The following PIK3C2G variants were observed in gnomAD, a reference collection of about 807,000 sequenced individuals.
PIK3C2G encodes the protein phosphatidylinositol 3-kinase C2 domain-containing subunit gamma.
Under a neutral mutation model 181.1 loss-of-function variants are expected in PIK3C2G, and 168 were observed. The observed-to-expected ratio is 0.93, with a 90% CI of 0.82 to 1.05. PIK3C2G has a LOEUF of 1.05. Ranked by LOEUF, PIK3C2G falls within the 50% of genes least tolerant of loss-of-function variation. PIK3C2G has a pLI of 0.00. For synonymous variants in PIK3C2G, 573 were observed against 592.2 expected (o/e 0.97, Z 0.47); for missense variants, 1,869 against 1,732.8 (o/e 1.08, Z -1.40).
chr12:18,579,702 G>A (rs905341637), intron 29 of PIK3C2G, among the ~76,000 whole-genome samples: 2 of 152,132 alleles, frequency 1.3e-5, no homozygotes, highest in Non-Finnish European at 2.9e-5. Flanking sequence ...CCTCAAAATG[G>A]ATTTAAGCTT....
chr12:18,586,609 A>T (rs1036911399), intron 29 of PIK3C2G, among the ~76,000 whole-genome samples: 1 of 152,182 alleles, frequency 6.6e-6, no homozygotes, highest in Non-Finnish European at 1.5e-5. Context: ...GCCCAGGATC[A>T]GAAAGATTCA....
chr12:18,724,398 T>TA, the PIK3C2G span, among the ~76,000 whole-genome samples: 33 of 152,222 alleles, frequency 2.2e-4, no homozygotes, highest in Admixed American at 1.9e-3. Context: ...ATAGTATCAC[T>TA]AACAAATAAA....
At chr12:18,527,931 C>T (rs181885260) in intron 24 of PIK3C2G, among the ~76,000 whole-genome samples, 276 of 152,044 alleles carry the variant, frequency 1.8e-3, no homozygotes, top group Non-Finnish European at 2.9e-3. Flanking sequence ...TAATTTAGGA[C>T]ACACATTACA....
At chr12:18,269,803 A>T (rs1948667182) in intron 1 of PIK3C2G, among the ~76,000 whole-genome samples, 1 of 152,236 alleles carries the variant, frequency 6.6e-6, no homozygotes, top group African/African-American at 2.4e-5. Flanking sequence ...TAAATAAAAT[A>T]GACAAAAATT....
chr12:18,520,705 G>A (rs1432151365), intron 24 of PIK3C2G, among the ~76,000 whole-genome samples: 1 of 152,076 alleles, frequency 6.6e-6, no homozygotes, highest in Admixed American at 6.5e-5. Flanking sequence ...CCCTTCTGAA[G>A]CCTACTTCTG....
intron 26 of PIK3C2G, among the ~76,000 whole-genome samples, chr12:18,562,424 G>A (rs1003414972): frequency 6.6e-6 from 1 of 152,162 alleles, no homozygotes; most frequent in African/African-American, 2.4e-5. Context: ...GAGCCACCGC[G>A]CCGGGCCACA....
the PIK3C2G span, among the ~76,000 whole-genome samples, chr12:18,702,265 A>G: frequency 4.6e-5 from 7 of 151,964 alleles, no homozygotes; most frequent in Non-Finnish European, 1.5e-5. Flanking sequence ...AGGCTCTTCA[A>G]ATTTCTTCTG....
downstream of PIK3C2G, among the ~76,000 whole-genome samples, chr12:18,649,120 CCTTT>C (rs1950310439): frequency 6.6e-6 from 1 of 151,926 alleles, no homozygotes; most frequent in African/African-American, 2.4e-5. Flanking sequence ...TATTACTCTC[CCTTT>C]CTGCTAGACG....
the PIK3C2G span, among the ~76,000 whole-genome samples, chr12:18,715,097 C>T: frequency 2.2e-4 from 31 of 144,158 alleles, no homozygotes; most frequent in Admixed American, 1.4e-3. Context: ...TAGCTGAGAA[C>T]AGATAAAACA....
chr12:18,252,439 A>G (rs1301216077), intron 1 of PIK3C2G, among the ~76,000 whole-genome samples: 1 of 152,222 alleles, frequency 6.6e-6, no homozygotes, highest in Admixed American at 6.5e-5. Flanking sequence ...CACAAGGCTC[A>G]TAGCTAAGTC....
intron 30 of PIK3C2G, chr12:18,607,206 T>C: frequency 1.9e-6 from 1 of 514,372 alleles, no homozygotes; most frequent in Non-Finnish European, 3.9e-6. Flanking sequence ...ACAAAAATGG[T>C]TAACAAAATG....
the PIK3C2G span, chr12:18,695,190 G>A: frequency 1.8e-6 from 2 of 1,089,444 alleles, no homozygotes; most frequent in Non-Finnish European, 2.8e-6. Context: ...AATGTTCTAT[G>A]AGCAAGTATC....
At chr12:18,290,719 T>G in intron 3 of PIK3C2G, 136 bp from the exon 4 acceptor site, 1 of 640,032 alleles carries the variant, frequency 1.6e-6, no homozygotes, top group Non-Finnish European at 2.8e-6. Flanking sequence ...AATCAATTAC[T>G]GATTGCTTTC....
the PIK3C2G span, chr12:18,701,823 T>G: frequency 1.3e-6 from 2 of 1,559,304 alleles, no homozygotes; most frequent in Admixed American, 3.8e-5. Context: ...ACAAGTAAAT[T>G]TGCATTGTAA....
At position 18,282,010 on chromosome 12, in the gene PIK3C2G, TTCTA is replaced by T. The variant is rs1211785410; in HGVS notation, c.-68_-65del. The T allele has an allele frequency of 1.1e-6, 1 of 874,962 alleles. No homozygotes were observed. The highest frequency in any genetic ancestry group is 1.7e-6 in the Non-Finnish European group (1 of 574,908). 54.2% of individuals were successfully genotyped at this position (874,962 alleles called of 1,614,324 possible). A position where few individuals can be genotyped will look rare whatever the true frequency, so the allele number is the denominator to read the frequency against. ...CATTTTATGCTTTTTCTAGGAAAAT[TTCTA>T]TCTTCTTTTGTATTATCAAGGAGAT... On this transcript the variant is annotated 5_prime_UTR_variant, in exon 2 of 33. The change creates a premature stop within an existing upstream ORF in the 5' untranslated region. Coordinates refer to ENST00000538779, the MANE Select transcript of PIK3C2G (RefSeq NM_001288772.2).
chr12:18,411,352 C>G (rs1345356393), intron 16 of PIK3C2G, among the ~76,000 whole-genome samples: 1 of 152,050 alleles, frequency 6.6e-6, no homozygotes, highest in Non-Finnish European at 1.5e-5. Context: ...TGCTTATACT[C>G]CGAGTTTGAG....
At chr12:18,337,909 C>T (rs1565612414) in intron 8 of PIK3C2G, among the ~76,000 whole-genome samples, 1 of 152,162 alleles carries the variant, frequency 6.6e-6, no homozygotes, top group Non-Finnish European at 1.5e-5. Context: ...ACCTTAACAC[C>T]ACAACTGGCT....
intron 31 of PIK3C2G, among the ~76,000 whole-genome samples, chr12:18,628,243 T>C (rs1949188265): frequency 6.6e-6 from 1 of 152,148 alleles, no homozygotes; most frequent in Admixed American, 6.6e-5. Context: ...ATTGTTATTA[T>C]TACTATGAGT....
chr12:18,726,017 C>A, the PIK3C2G span, among the ~76,000 whole-genome samples: 1 of 152,006 alleles, frequency 6.6e-6, no homozygotes, highest in Non-Finnish European at 1.5e-5. Flanking sequence ...CCTCAGACAG[C>A]AAGTTTGTCA....
Sources: allele counts gnomAD v4.1 joint callset (sites outside exome capture counted in the v4.1 genomes callset), GRCh38; gene constraint gnomAD v4.1.1; transcripts MANE v1.5; gene names NCBI Gene and HGNC (gene_info 2026-07-23, HGNC 2026-07-21).